The following ZNF211 variants were observed in gnomAD, a reference collection of about 807,000 sequenced individuals.
The protein encoded by ZNF211 is zinc finger protein C2H2-25.
ZNF211 carries 18 observed loss-of-function variants against 12.1 expected under a neutral mutation model. That is an observed-to-expected ratio of 1.48 (90% CI 1.03 to 2.20). The LOEUF is 2.20. Ranked by LOEUF, ZNF211 falls within the 30% of genes most tolerant of loss-of-function variation. ZNF211 has a pLI of 0.00. For synonymous variants in ZNF211, 249 were observed against 246.0 expected (o/e 1.01, Z -0.11); for missense variants, 677 against 703.1 (o/e 0.96, Z 0.42).
rs749758158 is a variant in ZNF211, at chr19:57,640,704, G to A, written c.257G>A (p.Gly86Asp). Residue 86 changes from glycine (G) to aspartate (D), a missense_variant and splice_region_variant, in exon 4 of 4, where the codon GGT (glycine) becomes GAT (aspartate). By Grantham distance (94) the Gly-to-Asp change is moderately conservative. Transcript: ENST00000240731. ...TTCACCATGATCTCTTTACTTTTAG[G>A]TTGTTGGTGTGGAGTGGAACATGAG... ...LENFALTSSL[G>D]CWCGVEHEET... The A allele has an allele frequency of 1.2e-5, 19 of 1,612,504 alleles. No homozygotes were observed. Among genetic ancestry groups the A allele is most frequent in the Non-Finnish European group, 1.4e-5 (17 of 1,178,798 alleles).
At position 57,633,388 on chromosome 19, in the gene ZNF211, G is replaced by A; in HGVS notation, c.42G>A (p.Gln14=). 1 of 1,604,486 alleles carries A rather than the reference G, an allele frequency of 6.2e-7. No homozygotes were observed. The highest frequency in any genetic ancestry group is 1.1e-5 in the South Asian group (1 of 90,204). The change falls in exon 1 of 4, where the codon CAG becomes CAA. Residue 14 remains glutamine (Q), a synonymous_variant. Coordinates refer to ENST00000240731, the MANE Select transcript of ZNF211 (RefSeq NM_006385.5). ...FPPGRPQLPV[Q]LRPQTRMATA... is the part of the protein sequence containing the mutation. Reference sequence around the variant, plus strand: ...CGGGTCGCCCGCAGCTCCCGGTCCAGCTCCGCCCACAGACTCGGATGGCGA... The same window carrying A: ...CGGGTCGCCCGCAGCTCCCGGTCCAACTCCGCCCACAGACTCGGATGGCGA...
intron 3 of ZNF211, among the ~76,000 whole-genome samples, chr19:57,635,784 T>C (rs1374290740): frequency 1.3e-5 from 2 of 152,218 alleles, no homozygotes; most frequent in Non-Finnish European, 2.9e-5. Flanking sequence ...AAGGTAATTA[T>C]TTTTAATTTT....
rs781487802 is a variant in ZNF211 at position 57,633,369 on chromosome 19, G to T, written c.23G>T (p.Arg8Leu). 3 of 1,599,044 alleles carry T rather than the reference G, an allele frequency of 1.9e-6. No individual in the cohort carries two copies. The highest frequency in any genetic ancestry group is 2.7e-5 in the African/African-American group (2 of 74,934). MLGFPPG[R>L]PQLPVQLRPQ... ...GCGATGCTCGGGTTCCCCCCGGGTC[G>T]CCCGCAGCTCCCGGTCCAGCTCCGC... The change falls in exon 1 of 4, where the codon CGC (arginine) becomes CTC (leucine). Residue 8 changes from arginine to leucine, a missense_variant. By Grantham distance (102) the Arg-to-Leu change is moderately radical (BLOSUM62 -2). Coordinates refer to ENST00000240731, the MANE Select transcript of ZNF211 (RefSeq NM_006385.5).
Position 57,634,029 on chromosome 19 carries a change from A to G in ZNF211, c.97A>G (p.Ile33Val), listed in dbSNP as rs765450240. Residue 33 changes from isoleucine to valine, a missense_variant, in exon 2 of 4, where the codon ATA (isoleucine) becomes GTA (valine). Physicochemically the swap from Ile to Val is conservative, Grantham distance 29. Coordinates refer to ENST00000240731, the MANE Select transcript of ZNF211 (RefSeq NM_006385.5). ...GGCCTGCGTCTTTCCACAGGTTCCC[A>G]TAGCTACAGAGGTGCTTTTCAAACT... ...TALRDPASVPIATEVLFKLTQ... is the reference protein window; with the variant it reads ...TALRDPASVPVATEVLFKLTQ... The G allele has an allele frequency of 4.4e-6, 7 of 1,588,994 alleles. No homozygotes were observed. The highest frequency in any genetic ancestry group is 2.2e-5 in the East Asian group (1 of 44,830).
At chr19:57,636,773 C>T (rs909071907) in intron 3 of ZNF211, among the ~76,000 whole-genome samples, 3 of 152,096 alleles carry the variant, frequency 2.0e-5, no homozygotes, top group Non-Finnish European at 4.4e-5. Flanking sequence ...TGATAGGTAT[C>T]GCACTTTCTA....
At chr19:57,634,443 T>A (rs369131129) in intron 2 of ZNF211, among the ~76,000 whole-genome samples, 186 bp from the exon 3 acceptor site, 8 of 152,120 alleles carry the variant, frequency 5.3e-5, no homozygotes, top group African/African-American at 1.7e-4. Context: ...GTTGACAGGA[T>A]ACAGAGTGGA....
In ZNF211 at chr19:57,642,049, T is replaced by G; in HGVS notation, c.1602T>G (p.Ser534Arg). The G allele has an allele frequency of 6.2e-7, 1 of 1,613,914 alleles. No individual in the cohort carries two copies. The highest frequency in any genetic ancestry group is 8.5e-7 in the Non-Finnish European group (1 of 1,179,914). Reference sequence around the variant, plus strand: ...AATGTGGGAAATCCTTTAGCCAAAGTTCTAGCCTCATTCAACACCGCAGAG... The same window carrying G: ...AATGTGGGAAATCCTTTAGCCAAAGGTCTAGCCTCATTCAACACCGCAGAG... ...CSECGKSFSQSSSLIQHRRVH... is the reference protein window; with the variant it reads ...CSECGKSFSQRSSLIQHRRVH... The change falls in exon 4 of 4, where the codon AGT becomes AGG. Residue 534 changes from serine to arginine, a missense_variant. By Grantham distance (110) the Ser-to-Arg change is moderately radical (BLOSUM62 -1). Transcript: ENST00000240731.
rs767605759 is a variant in ZNF211, at chr19:57,641,069, C to G, written c.622C>G (p.Leu208Val). The stretch of plus-strand genomic sequence containing the variant: ...CTGCAGGGAGATCAGGAAAGACTTC[C>G]TGGCCAACATGAGGTTTCTCCATCA... The part of the protein sequence containing the change: ...FTCREIRKDF[L>V]ANMRFLHQDA... The change falls in exon 4 of 4, where the codon CTG becomes GTG. Residue 208 changes from leucine to valine, a missense_variant. Coordinates refer to ENST00000240731, the MANE Select transcript of ZNF211 (RefSeq NM_006385.5). 1.9e-6 allele frequency: 3 copies of G among 1,614,180 alleles called. No individual in the cohort carries two copies. The Admixed American group carries it at 5.0e-5, about 27-fold the overall frequency.
At chr19:57,640,110 G>A in intron 3 of ZNF211, 2 of 1,514,958 alleles carry the variant, frequency 1.3e-6, no homozygotes, top group East Asian at 2.5e-5. Context: ...TGTTTGACTT[G>A]TCTTGATGCC....
intron 3 of ZNF211, among the ~76,000 whole-genome samples, chr19:57,636,827 C>G (rs1982207479): frequency 6.6e-6 from 1 of 152,140 alleles, no homozygotes; most frequent in Non-Finnish European, 1.5e-5. Context: ...ATATTGAGCA[C>G]TCTAGTCCAT....
intron 3 of ZNF211, among the ~76,000 whole-genome samples, chr19:57,639,453 T>A (rs4801236): frequency 0.14 from 15,075 of 109,594 alleles, 1,976 homozygotes; most frequent in East Asian, 0.31. Flanking sequence ...GGTGTCTCAC[T>A]CTGTTGCCCA....
rs1165887345 is a variant in ZNF211, at chr19:57,633,240, C to T, written c.-107C>T. On this transcript the variant is annotated 5_prime_UTR_variant, in exon 1 of 4. Coordinates refer to ENST00000240731, the MANE Select transcript of ZNF211 (RefSeq NM_006385.5). Reference sequence around the variant, plus strand: ...CCGGAGGTCCGTTCTGTCTGTCAGCCGCTTTGGTACGCTGCATCGGGATCG... The same window carrying T: ...CCGGAGGTCCGTTCTGTCTGTCAGCTGCTTTGGTACGCTGCATCGGGATCG... The T allele has an allele frequency of 4.4e-6, 5 of 1,146,792 alleles. No homozygotes were observed. The highest frequency in any genetic ancestry group is 2.9e-5 in the East Asian group (1 of 34,774). The allele number at this position is 1,146,792 out of a possible 1,614,324, so 71.0% of individuals were successfully genotyped here.
chr19:57,640,756 T>C lies in ZNF211; in HGVS notation c.309T>C (p.Ser103=), dbSNP rs2122215588. The stretch of plus-strand genomic sequence containing the variant: ...AAACACCTTCTGAACAGAGAATTTC[T>C]GGAGAAAGAGTGCCACAGTTCAGGA... ...HEETPSEQRI[S]GERVPQFRTS... Residue 103 remains serine (S), a synonymous_variant, in exon 4 of 4, where the codon TCT becomes TCC. Transcript: ENST00000240731. 6.2e-7 allele frequency: 1 copy of C among 1,614,214 alleles called. No individual in the cohort carries two copies. Among genetic ancestry groups the C allele is most frequent in the East Asian group, 2.2e-5 (1 of 44,890 alleles).
At chr19:57,633,792 C>T (rs1388488002) in intron 1 of ZNF211, 15 of 1,551,944 alleles carry the variant, frequency 9.7e-6, no homozygotes, top group Non-Finnish European at 1.3e-5. Flanking sequence ...GCAGGCTGTT[C>T]AGTGGAAGAA....
At chr19:57,634,249 C>CT in intron 2 of ZNF211, 188 bp downstream of exon 2, 3 of 591,188 alleles carry the variant, frequency 5.1e-6, no homozygotes, top group African/African-American at 1.9e-5. Flanking sequence ...TTTGGAGCAG[C>CT]CAATGGAAAG....
chr19:57,635,711 G>A (rs1446243931), intron 3 of ZNF211, among the ~76,000 whole-genome samples: 3 of 152,150 alleles, frequency 2.0e-5, no homozygotes, highest in Admixed American at 6.5e-5. Flanking sequence ...GTACAGATAC[G>A]TATTTGTGTC....
chr19:57,633,911 A>G (rs1301489986), intron 1 of ZNF211, 112 bp from the exon 2 acceptor site: 3 of 1,609,038 alleles, frequency 1.9e-6, no homozygotes, highest in African/African-American at 2.7e-5. Flanking sequence ...CACAGGTTAG[A>G]CAGTCGACCC....
chr19:57,633,259 G>C lies in ZNF211; in HGVS notation c.-88G>C. 7.9e-7 allele frequency: 1 copy of C among 1,269,920 alleles called. No homozygotes were observed. The highest frequency in any genetic ancestry group is 1.1e-6 in the Non-Finnish European group (1 of 948,964). 78.7% of individuals were successfully genotyped at this position (1,269,920 alleles called of 1,614,324 possible). Reference sequence around the variant, plus strand: ...GTCAGCCGCTTTGGTACGCTGCATCGGGATCGAAGTGACGGACCGTGAAGG... The same window carrying C: ...GTCAGCCGCTTTGGTACGCTGCATCCGGATCGAAGTGACGGACCGTGAAGG... On this transcript the variant is annotated 5_prime_UTR_variant, in exon 1 of 4. Transcript: ENST00000240731.
chr19:57,639,856 G>C (rs1409622700), intron 3 of ZNF211: 1 of 1,438,414 alleles, frequency 7.0e-7, no homozygotes, highest in East Asian at 2.6e-5. Flanking sequence ...GTTCTTTTTT[G>C]TGCCGTGTTG....
Sources: gnomAD v4.1 joint callset for allele counts (sites outside exome capture counted in the v4.1 genomes callset) on GRCh38, gnomAD v4.1.1 for gene constraint, MANE v1.5 for transcripts, NCBI Gene and HGNC (gene_info 2026-07-23, HGNC 2026-07-21) for gene names.